RBPJ: variants seen among roughly 807,000 people sequenced by gnomAD.
RBPJ encodes the protein recombination signal binding protein for immunoglobulin kappa J region.
RBPJ carries 9 observed loss-of-function variants against 67.8 expected under a neutral mutation model. The observed-to-expected ratio is 0.13, with a 90% CI of 0.08 to 0.23. The LOEUF is 0.23. RBPJ is among the 10% of genes least tolerant of loss of function. The pLI is 1.00. For missense variants in RBPJ, 305 were observed against 595.6 expected, an observed-to-expected ratio of 0.51 and a Z score of 5.08; for synonymous variants, 198 against 203.3, an observed-to-expected ratio of 0.97 and a Z score of 0.22.
chr4:26,329,143 G>A (rs371432337), intron 1 of RBPJ, among the ~76,000 whole-genome samples: 74 of 152,226 alleles, frequency 4.9e-4, no homozygotes, highest in African/African-American at 1.6e-3. Context: ...ACAGGCATGC[G>A]CCACCACTTT....
At chr4:26,150,240 C>T in the RBPJ span, among the ~76,000 whole-genome samples, 1 of 152,162 alleles carries the variant, frequency 6.6e-6, no homozygotes, top group African/African-American at 2.4e-5. Context: ...TGTTGCACAA[C>T]CAGTAATGCT....
chr4:26,401,887 C>CTTT (rs58935903), intron 2 of RBPJ, among the ~76,000 whole-genome samples: 5 of 129,704 alleles, frequency 3.9e-5, no homozygotes, highest in Non-Finnish European at 8.3e-5. Context: ...TTCTTTCTTT[C>CTTT]TTTTTTTTTT....
chr4:26,221,157 C>T (rs1718891879), intron 1 of RBPJ, among the ~76,000 whole-genome samples: 1 of 152,204 alleles, frequency 6.6e-6, no homozygotes, highest in Non-Finnish European at 1.5e-5. Flanking sequence ...GTGGCGCGAT[C>T]TCGGCTCACT....
chr4:26,376,120 T>C (rs1349597165), intron 1 of RBPJ, among the ~76,000 whole-genome samples: 2 of 152,174 alleles, frequency 1.3e-5, no homozygotes, highest in Admixed American at 1.3e-4. Flanking sequence ...TGTGGTAAAA[T>C]ATACATAATG....
the RBPJ span, among the ~76,000 whole-genome samples, chr4:26,147,742 T>C: frequency 6.6e-6 from 1 of 152,126 alleles, no homozygotes; most frequent in Non-Finnish European, 1.5e-5. Flanking sequence ...GAAAAACTTT[T>C]TAAAAAGTAC....
At chr4:26,426,668 G>A (rs926359531) in intron 7 of RBPJ, among the ~76,000 whole-genome samples, 2 of 152,172 alleles carry the variant, frequency 1.3e-5, no homozygotes, top group South Asian at 2.1e-4. Flanking sequence ...TTGGAGGAGC[G>A]CTTAGAGAGG....
chr4:26,240,199 TA>T (rs1275273084), intron 1 of RBPJ, among the ~76,000 whole-genome samples: 1 of 152,200 alleles, frequency 6.6e-6, no homozygotes, highest in Admixed American at 6.5e-5. Flanking sequence ...TGAGGCCTAC[TA>T]AAAAATCATT....
intron 1 of RBPJ, among the ~76,000 whole-genome samples, chr4:26,328,171 A>G (rs1357172676): frequency 6.6e-6 from 1 of 152,038 alleles, no homozygotes; most frequent in Non-Finnish European, 1.5e-5. Context: ...GATCTGTACA[A>G]AGCTCCTAAT....
chr4:26,199,458 A>C (rs1364665161), intron 1 of RBPJ, among the ~76,000 whole-genome samples: 1 of 152,182 alleles, frequency 6.6e-6, no homozygotes, highest in African/African-American at 2.4e-5. Context: ...TAACAGGAGG[A>C]CGAGAAAATA....
chr4:26,155,452 T>C, the RBPJ span, among the ~76,000 whole-genome samples: 4 of 145,876 alleles, frequency 2.7e-5, no homozygotes, highest in African/African-American at 7.5e-5. Context: ...TTTTTTTTTT[T>C]CAGACAGAGT....
At chr4:26,406,095 T>C (rs1733374562) in intron 2 of RBPJ, 80 bp from the exon 3 acceptor site, 1 of 857,708 alleles carries the variant, frequency 1.2e-6, no homozygotes, top group Non-Finnish European at 1.9e-6. Context: ...AGCATTCCTC[T>C]CATTACAGAG....
intron 3 of RBPJ, among the ~76,000 whole-genome samples, chr4:26,411,421 T>C (rs1433908300): frequency 6.6e-6 from 1 of 152,116 alleles, no homozygotes; most frequent in Non-Finnish European, 1.5e-5. Context: ...TTACGAAGTA[T>C]GGGCAACAAC....
rs140440062 is a variant in RBPJ at position 26,423,791 on chromosome 4, T to G, written c.497-551T>G. On this transcript the variant is annotated intron_variant, in intron 5 of 10. Coordinates refer to ENST00000355476, the MANE Select transcript of RBPJ (RefSeq NM_015874.6). ...TTATTTAGAAGAAAGCAGAATTTTC[T>G]GAAATCACAGTATGCAGAGGCATTT... Among the ~76,000 whole-genome samples, 19 of 152,384 alleles carry G rather than the reference T, an allele frequency of 1.2e-4. No homozygotes were observed. The East Asian group carries it at 3.5e-3, about 28-fold the overall frequency.
intron 1 of RBPJ, among the ~76,000 whole-genome samples, chr4:26,322,526 CT>C (rs1342532287): frequency 1.3e-5 from 2 of 152,234 alleles, no homozygotes; most frequent in Admixed American, 6.5e-5. Context: ...CGTGACAACC[CT>C]TCTGTCCCAT....
intron 1 of RBPJ, among the ~76,000 whole-genome samples, chr4:26,311,274 C>T (rs143992080): frequency 6.6e-6 from 1 of 152,002 alleles, no homozygotes. Flanking sequence ...CGGTGGCTCA[C>T]GCCTGTAATC....
chr4:26,252,336 A>G (rs181011313), intron 1 of RBPJ, among the ~76,000 whole-genome samples: 7 of 152,034 alleles, frequency 4.6e-5, no homozygotes, highest in African/African-American at 1.7e-4. Flanking sequence ...TGGGTCATGC[A>G]TGTAGTCCCA....
At chr4:26,429,227 C>G (rs899070752) in intron 8 of RBPJ, among the ~76,000 whole-genome samples, 2 of 152,162 alleles carry the variant, frequency 1.3e-5, no homozygotes, top group African/African-American at 2.4e-5. Context: ...GGTGAAGGCT[C>G]AAAATCTCAT....
chr4:26,284,609 C>T (rs1199615664), intron 1 of RBPJ, among the ~76,000 whole-genome samples: 2 of 151,804 alleles, frequency 1.3e-5, no homozygotes, highest in Non-Finnish European at 2.9e-5. Flanking sequence ...GCTGGGATCA[C>T]AGGCATGTGC....
At chr4:26,277,557 C>T (rs1277346139) in intron 1 of RBPJ, among the ~76,000 whole-genome samples, 1 of 152,090 alleles carries the variant, frequency 6.6e-6, no homozygotes, top group Non-Finnish European at 1.5e-5. Context: ...AGTGCCAACC[C>T]GGCCAAGCTA....
Sources: gnomAD v4.1 joint callset for allele counts (sites outside exome capture counted in the v4.1 genomes callset) on GRCh38, gnomAD v4.1.1 for gene constraint, MANE v1.5 for transcripts, NCBI Gene and HGNC (gene_info 2026-07-23, HGNC 2026-07-21) for gene names.